Variants in PCCA observed in about 807,000 individuals in gnomAD.
The protein encoded by PCCA is propionyl-CoA carboxylase subunit alpha.
PCCA carries 74 observed loss-of-function variants against 101.3 expected under a neutral mutation model. That is an observed-to-expected ratio of 0.73 (90% CI 0.61 to 0.89). The LOEUF (loss-of-function observed/expected upper bound fraction) is 0.89, where lower values mean the gene tolerates loss of function less well. Ranked by LOEUF, PCCA falls within the 40% of genes least tolerant of loss-of-function variation. PCCA has a pLI of 0.00. For synonymous variants in PCCA, 294 were observed against 313.6 expected (o/e 0.94, Z 0.66); for missense variants, 891 against 907.0 (o/e 0.98, Z 0.23).
chr13:100,257,143 T>G (rs1028465887), intron 8 of PCCA, among the ~76,000 whole-genome samples: 3 of 152,216 alleles, frequency 2.0e-5, no homozygotes, highest in Non-Finnish European at 2.9e-5. Context: ...AGGGGTTGTC[T>G]GTGACTCTTC....
chr13:100,094,098 C>T (rs1235204521), intron 1 of PCCA, among the ~76,000 whole-genome samples: 1 of 151,906 alleles, frequency 6.6e-6, no homozygotes, highest in Non-Finnish European at 1.5e-5. Context: ...CATGGTGGCG[C>T]ATGCCTGTAA....
intron 23 of PCCA, among the ~76,000 whole-genome samples, 172 bp downstream of exon 23, chr13:100,527,924 C>G (rs1057410309): frequency 6.6e-6 from 1 of 152,232 alleles, no homozygotes; most frequent in Admixed American, 6.5e-5. Flanking sequence ...TGATGCATCC[C>G]TGCCTCGTAG....
chr13:100,255,797 A>G (rs2062035633), intron 8 of PCCA, among the ~76,000 whole-genome samples: 1 of 152,180 alleles, frequency 6.6e-6, no homozygotes, highest in African/African-American at 2.4e-5. Context: ...AATCTCTTGC[A>G]GAATCAAGAA....
intron 19 of PCCA, among the ~76,000 whole-genome samples, chr13:100,412,800 T>C (rs1000584238): frequency 3.3e-5 from 5 of 152,136 alleles, no homozygotes; most frequent in African/African-American, 1.2e-4. Flanking sequence ...CACCTTTACC[T>C]ATCAAAGAAA....
chr13:100,186,107 A>T (rs898384261), intron 6 of PCCA, among the ~76,000 whole-genome samples: 4 of 152,216 alleles, frequency 2.6e-5, no homozygotes, highest in Non-Finnish European at 4.4e-5. Context: ...TCAATATTTT[A>T]TCATTCTTTT....
At chr13:100,204,436 A>G (rs2152470252) in intron 6 of PCCA, among the ~76,000 whole-genome samples, 1 of 152,314 alleles carries the variant, frequency 6.6e-6, no homozygotes, top group South Asian at 2.1e-4. Flanking sequence ...CACTGTGCCC[A>G]GCCCCATGGC....
chr13:100,165,121 C>T (rs959920552), intron 6 of PCCA, among the ~76,000 whole-genome samples: 3 of 152,146 alleles, frequency 2.0e-5, no homozygotes, highest in African/African-American at 7.2e-5. Flanking sequence ...GTGAATAATG[C>T]TGCTATGAAC....
chr13:100,302,293 G>A (rs2066125014), intron 13 of PCCA, among the ~76,000 whole-genome samples: 1 of 152,082 alleles, frequency 6.6e-6, no homozygotes, highest in South Asian at 2.1e-4. Flanking sequence ...CAGTGTCTGT[G>A]TTTAAGAATA....
Position 100,111,898 on chromosome 13 carries a change from A to G in PCCA, c.231+10A>G. 8 of 1,609,218 alleles carry G rather than the reference A, an allele frequency of 5.0e-6. No homozygotes were observed. The highest frequency in any genetic ancestry group is 6.8e-6 in the Non-Finnish European group (8 of 1,176,236). ...AGAAATTGCATGTCGGGTGAGTAGA[A>G]TTTTCGTCTTATTTTCCATTTTACT... On this transcript the variant is annotated intron_variant, in intron 3 of 23. Coordinates refer to ENST00000376285, the MANE Select transcript of PCCA (RefSeq NM_000282.4).
intron 21 of PCCA, among the ~76,000 whole-genome samples, chr13:100,453,610 C>T (rs1224899897): frequency 6.6e-6 from 1 of 152,166 alleles, no homozygotes; most frequent in Non-Finnish European, 1.5e-5. Flanking sequence ...CACTTGACTT[C>T]CCCAAGGTTT....
chr13:100,161,332 T>A (rs964382175), intron 6 of PCCA: 1 of 152,200 alleles, frequency 6.6e-6, no homozygotes, highest in East Asian at 1.9e-4. Context: ...TTCTTTAATT[T>A]AACAGTTCCA....
Position 100,449,300 on chromosome 13 carries a change from A to G in PCCA, c.1894A>G (p.Thr632Ala), listed in dbSNP as rs376313696. ...GGNMSIQFLG[T>A]VYKVNILTRL... ...AAACATGAGCATTCAGTTTCTTGGTACAGTGGTAAGTATGAAATCATTCTT... is the reference window on the plus strand; with the variant it reads ...AAACATGAGCATTCAGTTTCTTGGTGCAGTGGTAAGTATGAAATCATTCTT... Residue 632 changes from threonine to alanine, a missense_variant, in exon 21 of 24, where the codon ACA (threonine) becomes GCA (alanine). Physicochemically the swap from Thr to Ala is moderately conservative, Grantham distance 58 (BLOSUM62 0). Coordinates refer to ENST00000376285, the MANE Select transcript of PCCA (RefSeq NM_000282.4). 6.6e-6 allele frequency: 10 copies of G among 1,521,466 alleles called. No individual in the cohort carries two copies. Among genetic ancestry groups the G allele is most frequent in the Non-Finnish European group, 8.9e-6 (10 of 1,120,128 alleles). The allele number at this position is 1,521,466 out of a possible 1,614,324, so 94.2% of individuals were successfully genotyped here.
At chr13:100,368,972 A>G (rs1420927258) in intron 19 of PCCA, among the ~76,000 whole-genome samples, 1 of 152,024 alleles carries the variant, frequency 6.6e-6, no homozygotes, top group Non-Finnish European at 1.5e-5. Flanking sequence ...GCTGCAAGAC[A>G]CTCTTGAGGC....
At chr13:100,510,409 C>T (rs946630048) in intron 21 of PCCA, among the ~76,000 whole-genome samples, 13 of 152,198 alleles carry the variant, frequency 8.5e-5, no homozygotes, top group African/African-American at 3.1e-4. Context: ...CCAGTCATTG[C>T]TTTCTCTGCC....
chr13:100,452,633 C>T (rs1031301555), intron 21 of PCCA, among the ~76,000 whole-genome samples: 2 of 147,638 alleles, frequency 1.4e-5, no homozygotes, highest in East Asian at 2.0e-4. Flanking sequence ...CTTATTCCCC[C>T]TCGCCCACTT....
At chr13:100,341,979 A>ATG (rs1555426219) in intron 18 of PCCA, among the ~76,000 whole-genome samples, 1 of 114,536 alleles carries the variant, frequency 8.7e-6, no homozygotes, top group East Asian at 2.3e-4. Context: ...ATATATATAT[A>ATG]TATGTATTTA....
intron 12 of PCCA, among the ~76,000 whole-genome samples, chr13:100,296,172 T>G (rs2065508006): frequency 6.6e-6 from 1 of 152,176 alleles, no homozygotes; most frequent in African/African-American, 2.4e-5. Flanking sequence ...TGTCTTTATT[T>G]TTAATAATGT....
At chr13:100,369,171 A>G (rs929506635) in intron 19 of PCCA, among the ~76,000 whole-genome samples, 1 of 152,194 alleles carries the variant, frequency 6.6e-6, no homozygotes, top group Non-Finnish European at 1.5e-5. Context: ...CCAGAAAAAT[A>G]CCATTAAGAG....
chr13:100,521,533 A>G (rs553149368), intron 22 of PCCA, among the ~76,000 whole-genome samples: 16 of 152,344 alleles, frequency 1.1e-4, no homozygotes, highest in African/African-American at 3.8e-4. Flanking sequence ...CTCGCTTTAC[A>G]TGAAGATGTT....
Sources: allele counts gnomAD v4.1 joint callset (sites outside exome capture counted in the v4.1 genomes callset), GRCh38; gene constraint gnomAD v4.1.1; transcripts MANE v1.5; gene names NCBI Gene and HGNC (gene_info 2026-07-23, HGNC 2026-07-21).